ENPEP: variants seen among roughly 807,000 people sequenced by gnomAD.
ENPEP encodes glutamyl aminopeptidase.
A neutral mutation model predicts 114.5 loss-of-function variants in ENPEP; 103 were observed. That is an observed-to-expected ratio of 0.90 (90% CI 0.77 to 1.06). The LOEUF (loss-of-function observed/expected upper bound fraction) is 1.06. Ranked by LOEUF, ENPEP falls within the 50% of genes least tolerant of loss-of-function variation. ENPEP has a pLI of 0.00. For synonymous variants in ENPEP, 420 were observed against 422.0 expected (o/e 1.00, Z 0.06); for missense variants, 1,196 against 1,161.3 (o/e 1.03, Z -0.43).
chr4:110,527,147 G>A (rs369336760), intron 10 of ENPEP, among the ~76,000 whole-genome samples: 9 of 152,080 alleles, frequency 5.9e-5, no homozygotes, highest in African/African-American at 1.7e-4. Flanking sequence ...TAAAATTGCC[G>A]AAGCACTTGA....
In ENPEP at chr4:110,531,242, C is replaced by T. The variant is rs747537040; in HGVS notation, c.1772C>T (p.Thr591Ile). 2 of 1,463,946 alleles carry T rather than the reference C, an allele frequency of 1.4e-6. No individual in the cohort carries two copies. The highest frequency in any genetic ancestry group is 1.8e-6 in the Non-Finnish European group (2 of 1,090,662). 90.7% of individuals were successfully genotyped at this position (1,463,946 alleles called of 1,614,324 possible). A position where few individuals can be genotyped will look rare whatever the true frequency, so the allele number is the denominator to read the frequency against. ...IPVKWTEDNITSSVLFNRSEK... is the reference protein window; with the variant it reads ...IPVKWTEDNIISSVLFNRSEK... ...GTTAAATGGACTGAAGATAATATAA[C>T]AAGCAGTGTGTTATTTAATAGGTCA... is the stretch of plus-strand genomic sequence containing the variant. Residue 591 changes from threonine to isoleucine, a missense_variant, in exon 11 of 20, where the codon ACA becomes ATA. Thr to Ile is a moderately conservative substitution (Grantham distance 89, BLOSUM62 -1). Coordinates refer to ENST00000265162, the MANE Select transcript of ENPEP (RefSeq NM_001977.4).
intron 6 of ENPEP, 98 bp from the exon 7 acceptor site, chr4:110,513,317 T>C (rs1725647364): frequency 3.7e-6 from 5 of 1,338,812 alleles, no homozygotes; most frequent in Non-Finnish European, 5.0e-6. Flanking sequence ...AAGTCATTTA[T>C]ATTTATTTTC....
At chr4:110,547,642 A>AG (rs1188328474) in intron 13 of ENPEP, among the ~76,000 whole-genome samples, 1 of 152,118 alleles carries the variant, frequency 6.6e-6, no homozygotes, top group Non-Finnish European at 1.5e-5. Flanking sequence ...AGAAAAATTT[A>AG]CTTTTTTAAT....
Position 110,476,516 on chromosome 4 carries a change from A to T in ENPEP, c.102A>T (p.Gly34=). 6.2e-7 allele frequency: 1 copy of T among 1,600,528 alleles called. No individual in the cohort carries two copies. The highest frequency in any genetic ancestry group is 2.2e-5 in the East Asian group (1 of 44,630). The change falls in exon 1 of 20, where the codon GGA becomes GGT. Residue 34 remains glycine, a synonymous_variant. Coordinates refer to ENST00000265162, the MANE Select transcript of ENPEP (RefSeq NM_001977.4). ...TGGTGGGTGTAGGATTAATAGTGGG[A>T]CTTGCCGTGGGCTTGACCAGATCGT... ...AVVVGVGLIV[G]LAVGLTRSCD...
intron 3 of ENPEP, among the ~76,000 whole-genome samples, chr4:110,504,973 G>A (rs932405968): frequency 1.3e-5 from 2 of 152,226 alleles, no homozygotes; most frequent in East Asian, 1.9e-4. Context: ...AGACAACAGT[G>A]GAGCGGGTCA....
intron 2 of ENPEP, among the ~76,000 whole-genome samples, chr4:110,489,352 T>C (rs1724616267): frequency 6.6e-6 from 1 of 151,866 alleles, no homozygotes; most frequent in South Asian, 2.1e-4. Flanking sequence ...AAGTGGAAAT[T>C]GAACAACAAG....
chr4:110,557,665 G>A (rs1446319482), intron 18 of ENPEP, among the ~76,000 whole-genome samples: 1 of 152,180 alleles, frequency 6.6e-6, no homozygotes, highest in Non-Finnish European at 1.5e-5. Context: ...GGGAGATCTA[G>A]GAAATGTGTC....
At chr4:110,497,672 T>C (rs975656683) in intron 3 of ENPEP, among the ~76,000 whole-genome samples, 5 of 152,142 alleles carry the variant, frequency 3.3e-5, no homozygotes, top group African/African-American at 1.2e-4. Flanking sequence ...CGACTCAGAG[T>C]CCGAACATGT....
intron 8 of ENPEP, chr4:110,515,797 C>G (rs1725742721): frequency 2.2e-6 from 1 of 459,368 alleles, no homozygotes; most frequent in South Asian, 1.5e-5. Flanking sequence ...CTGGAAAGTC[C>G]AAGATCAAAG....
intron 11 of ENPEP, among the ~76,000 whole-genome samples, chr4:110,539,218 G>A (rs750100314): frequency 1.6e-4 from 24 of 152,280 alleles, no homozygotes; most frequent in Non-Finnish European, 3.4e-4. Context: ...GTGCAATAAA[G>A]TGACTTCTCT....
At chr4:110,509,609 A>G (rs369498998) in intron 4 of ENPEP, 44 bp from the exon 5 acceptor site, 2 of 1,574,372 alleles carry the variant, frequency 1.3e-6, no homozygotes, top group African/African-American at 2.7e-5. Flanking sequence ...CTATGAACAA[A>G]TGGAAAGAAT....
intron 1 of ENPEP, 82 bp from the exon 2 acceptor site, chr4:110,488,459 T>A: frequency 7.1e-7 from 1 of 1,415,916 alleles, no homozygotes; most frequent in East Asian, 2.6e-5. Context: ...ATAGCTGATT[T>A]TTTTTTCCCC....
chr4:110,522,199 T>C (rs983127671), intron 10 of ENPEP, among the ~76,000 whole-genome samples: 3 of 151,714 alleles, frequency 2.0e-5, no homozygotes, highest in Admixed American at 2.0e-4. Context: ...CTTTTTTTTT[T>C]TGAGACAAAC....
intron 11 of ENPEP, among the ~76,000 whole-genome samples, chr4:110,532,667 A>G (rs1578410971): frequency 6.6e-6 from 1 of 152,028 alleles, no homozygotes; most frequent in East Asian, 1.9e-4. Flanking sequence ...TTTTTTTACT[A>G]TTACTACAAA....
chr4:110,551,405 T>C (rs927972794), intron 17 of ENPEP, among the ~76,000 whole-genome samples: 1 of 152,140 alleles, frequency 6.6e-6, no homozygotes, highest in Non-Finnish European at 1.5e-5. Context: ...TTTTTTTAAA[T>C]TTTGGAAGCA....
At chr4:110,510,383 A>G (rs1363267392) in intron 6 of ENPEP, 25 bp downstream of exon 6, 1 of 1,573,688 alleles carries the variant, frequency 6.4e-7, no homozygotes, top group Admixed American at 1.7e-5. Flanking sequence ...CATAAACTTG[A>G]AATCTCTCTT....
chr4:110,486,049 C>A (rs1288798877), intron 1 of ENPEP, among the ~76,000 whole-genome samples: 1 of 152,114 alleles, frequency 6.6e-6, no homozygotes, highest in Non-Finnish European at 1.5e-5. Context: ...CCTCACCAAA[C>A]TTTCACCCCC....
chr4:110,490,261 G>T (rs1400020210), intron 2 of ENPEP, among the ~76,000 whole-genome samples: 2 of 152,114 alleles, frequency 1.3e-5, no homozygotes, highest in Non-Finnish European at 2.9e-5. Flanking sequence ...GTAGCCTGGA[G>T]CCCCACCACG....
chr4:110,491,979 C>G lies in ENPEP; in HGVS notation c.918+815C>G, dbSNP rs1303099538. ...CAGGTGACCCACTGGCCTTGGCCCCCTGAAGTGCTGGGATTACAGGCATGA... is the reference window on the plus strand; with the variant it reads ...CAGGTGACCCACTGGCCTTGGCCCCGTGAAGTGCTGGGATTACAGGCATGA... On this transcript the variant is annotated intron_variant, in intron 3 of 19. Transcript: ENST00000265162. 2.0e-5 allele frequency among the ~76,000 whole-genome samples: 3 copies of G among 152,242 alleles called. No homozygotes were observed. The East Asian group carries it at 5.8e-4, about 29-fold the overall frequency.
Sources: gnomAD v4.1 joint callset for allele counts (sites outside exome capture counted in the v4.1 genomes callset) on GRCh38, gnomAD v4.1.1 for gene constraint, MANE v1.5 for transcripts, NCBI Gene and HGNC (gene_info 2026-07-23, HGNC 2026-07-21) for gene names.